The following SHANK2 variants were observed in gnomAD, a reference collection of about 807,000 sequenced individuals.
SHANK2 encodes the protein SH3 and multiple ankyrin repeat domains protein 2.
Under a neutral mutation model 133.7 loss-of-function variants are expected in SHANK2, and 43 were observed. The observed-to-expected ratio is 0.32, with a 90% confidence interval of 0.25 to 0.41. SHANK2 has a LOEUF of 0.41. SHANK2 is among the 10% of genes least tolerant of loss of function. SHANK2 has a pLI of 1.00. For missense variants in SHANK2, 1,994 were observed against 2,235.8 expected, an observed-to-expected ratio of 0.89 and a Z score of 2.18; for synonymous variants, 1,017 against 952.8, an observed-to-expected ratio of 1.07 and a Z score of -1.24.
At chr11:70,853,689 G>A (rs782232431) in intron 11 of SHANK2, among the ~76,000 whole-genome samples, 8 of 152,152 alleles carry the variant, frequency 5.3e-5, no homozygotes, top group South Asian at 4.1e-4. Context: ...TGCCGTGACC[G>A]CTTAATACAC....
intron 10 of SHANK2, among the ~76,000 whole-genome samples, chr11:70,914,423 G>A (rs1950239287): frequency 6.6e-6 from 1 of 151,940 alleles, no homozygotes; most frequent in Non-Finnish European, 1.5e-5. Context: ...CCATGCTGGG[G>A]CCTTCCCGGG....
chr11:70,492,040 G>T (rs1413303953), intron 22 of SHANK2, among the ~76,000 whole-genome samples: 2 of 152,222 alleles, frequency 1.3e-5, no homozygotes, highest in East Asian at 3.9e-4. Context: ...AGTGTGTCAA[G>T]GCCCCTTACT....
chr11:70,922,419 G>C (rs1204278507), intron 10 of SHANK2, among the ~76,000 whole-genome samples: 1 of 152,114 alleles, frequency 6.6e-6, no homozygotes, highest in African/African-American at 2.4e-5. Context: ...AATCTCAAAT[G>C]AGATAAACAC....
chr11:71,072,076 G>C (rs1446214634), intron 9 of SHANK2, among the ~76,000 whole-genome samples: 2 of 152,188 alleles, frequency 1.3e-5, no homozygotes, highest in Non-Finnish European at 2.9e-5. Context: ...AGAAGGCACG[G>C]ACAGAGAAGT....
intron 14 of SHANK2, among the ~76,000 whole-genome samples, chr11:70,702,281 C>T (rs1384668237): frequency 1.3e-5 from 2 of 151,860 alleles, no homozygotes; most frequent in Non-Finnish European, 2.9e-5. Context: ...CCATCATCAT[C>T]ATCACCACCA....
chr11:70,803,238 C>T (rs1948087821), intron 13 of SHANK2, among the ~76,000 whole-genome samples: 1 of 150,480 alleles, frequency 6.6e-6, no homozygotes, highest in Admixed American at 6.6e-5. Flanking sequence ...ACCACCTATC[C>T]AACTACCCAC....
rs897568557 is a variant in SHANK2, at chr11:71,063,435, C to T, written c.1030-6877G>A. 6.6e-5 allele frequency among the ~76,000 whole-genome samples: 10 copies of T among 152,210 alleles called. 1 individual carries two copies. Among genetic ancestry groups the T allele is most frequent in the East Asian group, 1.9e-4 (1 of 5,190 alleles). On this transcript the variant is annotated intron_variant, in intron 9 of 25. Coordinates refer to ENST00000601538, the MANE Select transcript of SHANK2 (RefSeq NM_012309.5). ...CATATCACACATGTGTCTGTGTACA[C>T]GTGTGTGAACATGTGTGTTTGCAGT...
At chr11:70,585,300 T>C (rs7119290) in intron 17 of SHANK2, among the ~76,000 whole-genome samples, 119,218 of 152,174 alleles carry the variant, frequency 0.78, 47,616 homozygotes, top group South Asian at 0.9. Context: ...GCCAGCTGGA[T>C]GGGCTGATTT....
intron 17 of SHANK2, among the ~76,000 whole-genome samples, chr11:70,541,163 C>T (rs938836896): frequency 9.2e-5 from 14 of 152,326 alleles, no homozygotes; most frequent in Admixed American, 2.6e-4. Flanking sequence ...TAGCCAGTGT[C>T]GGTTTTCCCT....
chr11:70,592,260 G>A (rs2060334812), intron 17 of SHANK2, among the ~76,000 whole-genome samples: 1 of 152,088 alleles, frequency 6.6e-6, no homozygotes, highest in African/African-American at 2.4e-5. Context: ...GGCAGCTGTC[G>A]CTGGTCCCCC....
chr11:71,102,584 C>T (rs1305205241), intron 6 of SHANK2, among the ~76,000 whole-genome samples: 1 of 152,218 alleles, frequency 6.6e-6, no homozygotes, highest in African/African-American at 2.4e-5. Context: ...ACCAAACTCA[C>T]TGTGGAGAGG....
At chr11:70,886,706 CACA>C (rs1949751727) in intron 11 of SHANK2, among the ~76,000 whole-genome samples, 1 of 147,716 alleles carries the variant, frequency 6.8e-6, no homozygotes, top group Non-Finnish European at 1.5e-5. Flanking sequence ...ATCACACACA[CACA>C]CACACACACA....
chr11:71,218,032 A>G (rs1954450199), intron 2 of SHANK2, among the ~76,000 whole-genome samples: 1 of 151,214 alleles, frequency 6.6e-6, no homozygotes, highest in Admixed American at 6.6e-5. Flanking sequence ...TTGTATTTTT[A>G]GAAGAAAGAG....
chr11:70,651,637 T>C (rs1299553364), intron 17 of SHANK2, among the ~76,000 whole-genome samples: 3 of 152,210 alleles, frequency 2.0e-5, no homozygotes, highest in African/African-American at 7.2e-5. Flanking sequence ...CAATGGATCC[T>C]GACGACACGG....
At chr11:70,855,522 G>A (rs961117853) in intron 11 of SHANK2, among the ~76,000 whole-genome samples, 1 of 152,174 alleles carries the variant, frequency 6.6e-6, no homozygotes, top group Non-Finnish European at 1.5e-5. Context: ...TTATAGCTCT[G>A]ACCAGGGCAT....
At chr11:70,477,115 C>T (rs1182545629) in intron 25 of SHANK2, among the ~76,000 whole-genome samples, 1 of 152,154 alleles carries the variant, frequency 6.6e-6, no homozygotes, top group Non-Finnish European at 1.5e-5. Flanking sequence ...GAGTGGCACA[C>T]ACGGGGTCAC....
At chr11:71,132,444 C>G (rs1226765582) in intron 3 of SHANK2, among the ~76,000 whole-genome samples, 1 of 152,192 alleles carries the variant, frequency 6.6e-6, no homozygotes, top group African/African-American at 2.4e-5. Flanking sequence ...CAGAGCTTTG[C>G]TACAGAACTT....
At chr11:70,499,506 C>G (rs2059019816) in intron 21 of SHANK2, among the ~76,000 whole-genome samples, 1 of 152,238 alleles carries the variant, frequency 6.6e-6, no homozygotes, top group Admixed American at 6.5e-5. Flanking sequence ...TTGTCCCACG[C>G]TGTTCTGGCA....
chr11:70,792,759 A>G (rs1947821739), intron 14 of SHANK2, among the ~76,000 whole-genome samples: 1 of 152,190 alleles, frequency 6.6e-6, no homozygotes, highest in South Asian at 2.1e-4. Context: ...TTCTATGTAT[A>G]TCCAAAGTCT....
Sources: gnomAD v4.1 joint callset for allele counts (sites outside exome capture counted in the v4.1 genomes callset) on GRCh38, gnomAD v4.1.1 for gene constraint, MANE v1.5 for transcripts, NCBI Gene and HGNC (gene_info 2026-07-23, HGNC 2026-07-21) for gene names.